Variants in ATP7A observed in about 807,000 individuals in gnomAD.
ATP7A encodes the protein copper-transporting ATPase 1.
Under a neutral mutation model 83.5 loss-of-function variants are expected in ATP7A, and 7 were observed. That is an observed-to-expected ratio of 0.08 (90% CI 0.05 to 0.16). The LOEUF is 0.16. Among genes scored for constraint, ATP7A ranks in the 10% least tolerant of loss-of-function variants. The probability of loss-of-function intolerance (pLI) is 1.00; values close to 1 mark genes in which losing one functional copy is unlikely to be tolerated. For missense variants in ATP7A, 940 were observed against 1,120.8 expected, an observed-to-expected ratio of 0.84 and a Z score of 2.30; for synonymous variants, 354 against 395.2, an observed-to-expected ratio of 0.90 and a Z score of 1.24.
rs1557234754 is a variant in ATP7A, at chrX:78,013,070, T to C, written c.2364T>C (p.Phe788=). 1 of 1,208,886 alleles carries C rather than the reference T, an allele frequency of 8.3e-7. No homozygotes were observed. Among genetic ancestry groups the C allele is most frequent in the East Asian group, 3.0e-5 (1 of 33,778 alleles). ...ITFFDTPPML[F]VFIALGRWLE... ...TCTTTGACACACCCCCTATGCTGTT[T>C]GTGTTTATTGCACTAGGCCGATGGC... The change falls in exon 10 of 23, where the codon TTT becomes TTC. Residue 788 remains phenylalanine, a synonymous_variant. Coordinates refer to ENST00000341514, the MANE Select transcript of ATP7A (RefSeq NM_000052.7).
chrX:78,047,593 GA>G lies in ATP7A; in HGVS notation c.*1024del, dbSNP rs1390012074. On this transcript the variant is annotated 3_prime_UTR_variant, in exon 23 of 23. Transcript: ENST00000341514. ...TGTTGTTGTTGTTGTTGTTGAGACA[GA>G]GTCTTGTTTTGCAGCCCAGGCTGGA... 2 of 111,761 alleles carry G rather than the reference GA, an allele frequency of 1.8e-5. No individual in the cohort carries two copies. The highest frequency in any genetic ancestry group is 3.8e-5 in the Non-Finnish European group (2 of 53,262). 9.2% of individuals were successfully genotyped at this position (111,761 alleles called of 1,213,427 possible).
intron 1 of ATP7A, among the ~76,000 whole-genome samples, chrX:77,927,874 C>T (rs964365316): frequency 2.7e-5 from 3 of 110,809 alleles, no homozygotes; most frequent in Non-Finnish European, 3.8e-5. Flanking sequence ...TGAGAACATG[C>T]GGTGTTTGGT....
intron 18 of ATP7A, 59 bp downstream of exon 18, chrX:78,039,041 T>A (rs915246109): frequency 3.7e-5 from 43 of 1,154,048 alleles, no homozygotes; most frequent in Non-Finnish European, 4.8e-5. Flanking sequence ...TATTAATTTA[T>A]TTATTTTTGA....
chrX:78,016,703 G>A (rs959239286), intron 12 of ATP7A, among the ~76,000 whole-genome samples: 1 of 112,183 alleles, frequency 8.9e-6, no homozygotes, highest in South Asian at 3.7e-4. Flanking sequence ...CGTTGGGGCA[G>A]TCATTAAATC....
chrX:78,027,021 G>A (rs782120425), intron 14 of ATP7A, among the ~76,000 whole-genome samples: 45 of 109,872 alleles, frequency 4.1e-4, no homozygotes, highest in Non-Finnish European at 8.2e-4. Flanking sequence ...ATGGTGGCAC[G>A]CACCTGTAAT....
At chrX:78,006,455 A>G (rs1003991814) in intron 6 of ATP7A, among the ~76,000 whole-genome samples, 4 of 112,495 alleles carry the variant, frequency 3.6e-5, no homozygotes, top group Non-Finnish European at 7.5e-5. Flanking sequence ...GTAGGTTTTT[A>G]TATGTTTTTA....
At chrX:78,012,837 A>G in intron 9 of ATP7A, 42 bp from the exon 10 acceptor site, 2 of 1,082,072 alleles carry the variant, frequency 1.8e-6, no homozygotes, top group Non-Finnish European at 1.3e-6. Context: ...TGTGAATTTC[A>G]GCATTTTTTA....
chrX:77,978,845 A>T (rs1462199908), intron 2 of ATP7A, among the ~76,000 whole-genome samples: 4 of 111,260 alleles, frequency 3.6e-5, no homozygotes, highest in Non-Finnish European at 7.5e-5. Context: ...TTTAAATTTT[A>T]TTTTGAGACG....
At chrX:77,980,063 A>G (rs782217506) in intron 2 of ATP7A, among the ~76,000 whole-genome samples, 4 of 112,457 alleles carry the variant, frequency 3.6e-5, no homozygotes, top group African/African-American at 9.7e-5. Flanking sequence ...TTAATTAGAT[A>G]TAAGTACTGA....
chrX:78,018,145 C>G (rs1439288154), intron 12 of ATP7A, among the ~76,000 whole-genome samples: 1 of 108,977 alleles, frequency 9.2e-6, no homozygotes, highest in African/African-American at 3.3e-5. Context: ...TTCCTCATCT[C>G]CATCTGAGAC....
At chrX:78,013,652 G>A (rs1352563464) in intron 10 of ATP7A, among the ~76,000 whole-genome samples, 1 of 111,798 alleles carries the variant, frequency 8.9e-6, no homozygotes, top group African/African-American at 3.2e-5. Flanking sequence ...TTCACCATTA[G>A]ATTGTTTCTA....
intron 2 of ATP7A, among the ~76,000 whole-genome samples, chrX:77,984,284 C>T (rs187929110): frequency 9.1e-6 from 1 of 110,263 alleles, no homozygotes; most frequent in East Asian, 2.8e-4. Flanking sequence ...AGCATAGTGC[C>T]GGGCACATAA....
At chrX:78,032,940 A>G (rs1475315795) in intron 16 of ATP7A, among the ~76,000 whole-genome samples, 1 of 111,574 alleles carries the variant, frequency 9.0e-6, no homozygotes, top group Non-Finnish European at 1.9e-5. Context: ...CGGTAACTAA[A>G]GGCCCTATAC....
chrX:77,981,791 A>G (rs2077606581), intron 2 of ATP7A, among the ~76,000 whole-genome samples: 1 of 112,308 alleles, frequency 8.9e-6, no homozygotes, highest in Non-Finnish European at 1.9e-5. Context: ...CATCTTTTTC[A>G]TCTTAAAACA....
chrX:77,975,350 T>C (rs1341766839), intron 2 of ATP7A, among the ~76,000 whole-genome samples: 1 of 110,712 alleles, frequency 9.0e-6, no homozygotes, highest in East Asian at 2.8e-4. Context: ...TTTTTGAACA[T>C]ATTTTTTTCT....
At chrX:77,930,462 C>A (rs1355258868) in intron 1 of ATP7A, among the ~76,000 whole-genome samples, 1 of 111,841 alleles carries the variant, frequency 8.9e-6, no homozygotes, top group African/African-American at 3.3e-5. Context: ...TTGGAGAATT[C>A]TTTTCTTGGA....
intron 1 of ATP7A, chrX:77,922,976 T>A (rs1316166454): frequency 8.9e-6 from 1 of 112,192 alleles, no homozygotes; most frequent in African/African-American, 3.2e-5. Flanking sequence ...GTCTCATGAG[T>A]AAGAGTTATC....
Position 77,999,246 on chromosome X carries a change from C to T in ATP7A, c.1543+562C>T, listed in dbSNP as rs782467245. 9.9e-4 allele frequency among the ~76,000 whole-genome samples: 110 copies of T among 110,983 alleles called. 2 individuals carry two copies. Among genetic ancestry groups the T allele is most frequent in the Admixed American group, 3.8e-4 (4 of 10,395 alleles). On this transcript the variant is annotated intron_variant, in intron 5 of 22. Transcript: ENST00000341514. ...TCCTGGCATCAGGTGATCCACCCAC[C>T]TTGGCCTCCCAAAGTGCCAGGATTA...
At position 78,049,007 on chromosome X, in the gene ATP7A, T is replaced by G. The variant is rs2149115357; in HGVS notation, c.*2437T>G. 8.9e-6 allele frequency: 1 copy of G among 111,936 alleles called. No homozygotes were observed. Among genetic ancestry groups the G allele is most frequent in the East Asian group, 2.8e-4 (1 of 3,592 alleles). 9.2% of individuals were successfully genotyped at this position (111,936 alleles called of 1,213,427 possible). On this transcript the variant is annotated 3_prime_UTR_variant, in exon 23 of 23. Transcript: ENST00000341514. ...AAATAATCAAAGAGATAATTTCAGC[T>G]CTTACAACAAGAACAGAAAACATGC...
Sources: allele counts gnomAD v4.1 joint callset (sites outside exome capture counted in the v4.1 genomes callset), GRCh38; gene constraint gnomAD v4.1.1; transcripts MANE v1.5; gene names NCBI Gene and HGNC (gene_info 2026-07-23, HGNC 2026-07-21).